P3H1: variants seen among roughly 807,000 people sequenced by gnomAD.
P3H1 encodes growth suppressor 1.
In P3H1, 69 loss-of-function variants were observed where a neutral mutation model predicts 84.0. The observed-to-expected ratio is 0.82, with a 90% CI of 0.68 to 1.00. The LOEUF is 1.00. Among genes scored for constraint, P3H1 ranks in the 50% least tolerant of loss-of-function variants. The pLI is 0.00. For missense variants in P3H1, 878 were observed against 962.8 expected (o/e 0.91, Z 1.17); for synonymous variants, 366 against 388.8 (o/e 0.94, Z 0.69).
intron 2 of P3H1, among the ~76,000 whole-genome samples, chr1:42,759,800 T>A (rs929207852): frequency 5.3e-5 from 8 of 151,962 alleles, no homozygotes; most frequent in Non-Finnish European, 7.4e-5. Context: ...CAGGCTGGTC[T>A]CCAACTCCTA....
At chr1:42,750,642 A>T (rs1276333324) in intron 10 of P3H1, among the ~76,000 whole-genome samples, 1 of 33,908 alleles carries the variant, frequency 2.9e-5, no homozygotes, top group African/African-American at 2.0e-4. Context: ...CCCGTCCGGG[A>T]GGGAGGCCGG....
intron 1 of P3H1, among the ~76,000 whole-genome samples, chr1:42,763,835 G>A (rs1285046202): frequency 6.6e-6 from 1 of 151,978 alleles, no homozygotes; most frequent in Non-Finnish European, 1.5e-5. Flanking sequence ...TTAACTATGT[G>A]GACACTGGTA....
chr1:42,763,340 C>T (rs1430934793), intron 1 of P3H1, among the ~76,000 whole-genome samples: 1 of 151,876 alleles, frequency 6.6e-6, no homozygotes, highest in Non-Finnish European at 1.5e-5. Flanking sequence ...TGACTCAAAG[C>T]TCAGGGCTCA....
At chr1:42,762,510 AC>A (rs1557576609) in intron 1 of P3H1, 35 bp from the exon 2 acceptor site, 1 of 1,611,178 alleles carries the variant, frequency 6.2e-7, no homozygotes, top group Non-Finnish European at 8.5e-7. Flanking sequence ...GATAATGCTC[AC>A]ATCCAATCTC....
chr1:42,750,298 G>A lies in P3H1; in HGVS notation c.1608C>T (p.His536=), dbSNP rs201725061. 1.1e-4 allele frequency: 173 copies of A among 1,613,946 alleles called. No individual in the cohort carries two copies. The highest frequency in any genetic ancestry group is 1.4e-4 in the Non-Finnish European group (169 of 1,180,022). ...QEGKVPLQSA[H]LYYNVTEKVR... ...CCTTCTCCGTCACGTTGTAGTACAGGTGGGCACTCTGCAGAGGAACTTTGC... is the reference window on the plus strand; with the variant it reads ...CCTTCTCCGTCACGTTGTAGTACAGATGGGCACTCTGCAGAGGAACTTTGC... Residue 536 remains histidine (H), a synonymous_variant, in exon 11 of 15, where the codon CAC becomes CAT. Transcript: ENST00000296388.
intron 10 of P3H1, 56 bp from the exon 11 acceptor site, chr1:42,750,392 T>C: frequency 6.3e-7 from 1 of 1,596,898 alleles, no homozygotes; most frequent in Non-Finnish European, 8.6e-7. Context: ...TTTGGCTCTG[T>C]GTCCCTACCC....
At chr1:42,759,065 G>A in intron 3 of P3H1, 82 bp from the exon 4 acceptor site, 1 of 1,591,256 alleles carries the variant, frequency 6.3e-7, no homozygotes, top group Non-Finnish European at 8.6e-7. Flanking sequence ...AAATTCAAAT[G>A]GAAGCAATTT....
intron 2 of P3H1, 126 bp from the exon 3 acceptor site, chr1:42,759,516 G>T: frequency 1.3e-6 from 1 of 742,878 alleles, no homozygotes; most frequent in South Asian, 1.5e-5. Context: ...GGGGTGACCT[G>T]GGTACCACTA....
chr1:42,750,646 A>G (rs1193078365), intron 10 of P3H1, among the ~76,000 whole-genome samples: 11 of 25,010 alleles, frequency 4.4e-4, no homozygotes, highest in Admixed American at 1.4e-3. Flanking sequence ...TCCGGGAGGG[A>G]GGCCGGGGGG....
At chr1:42,763,393 C>T (rs1342750514) in intron 1 of P3H1, among the ~76,000 whole-genome samples, 1 of 151,466 alleles carries the variant, frequency 6.6e-6, no homozygotes, top group Non-Finnish European at 1.5e-5. Flanking sequence ...AGGGGGTGGT[C>T]GGGGGCGGTA....
At chr1:42,752,043 T>A (rs1328070084) in intron 10 of P3H1, among the ~76,000 whole-genome samples, 1 of 152,238 alleles carries the variant, frequency 6.6e-6, no homozygotes, top group African/African-American at 2.4e-5. Context: ...TTCTCATAGC[T>A]TTGGCGAACA....
Position 42,755,616 on chromosome 1 carries a change from G to C in P3H1, c.1102C>G (p.Arg368Gly), listed in dbSNP as rs118203996. ...AGCAGTTCTTTTTCCAGTAGGCTTCGCTGTCGGTACTCCTTGGCACTCTGA... is the reference window on the plus strand; with the variant it reads ...AGCAGTTCTTTTTCCAGTAGGCTTCCCTGTCGGTACTCCTTGGCACTCTGA... ...PRESAKEYRQ[R>G]SLLEKELLFF... is the part of the protein sequence containing the mutation. Residue 368 changes from arginine to glycine, a missense_variant, in exon 6 of 15, where the codon CGA (arginine) becomes GGA (glycine). By Grantham distance (125) the Arg-to-Gly change is moderately radical. Coordinates refer to ENST00000296388, the MANE Select transcript of P3H1 (RefSeq NM_022356.4). The C allele has an allele frequency of 6.2e-7, 1 of 1,613,868 alleles. No individual in the cohort carries two copies.
Position 42,766,739 on chromosome 1 carries a change from T to C in P3H1, c.233A>G (p.Gln78Arg). Residue 78 changes from glutamine (Q) to arginine (R), a missense_variant, in exon 1 of 15, where the codon CAG (glutamine) becomes CGG (arginine). Physicochemically the swap from Gln to Arg is conservative, Grantham distance 43. Transcript: ENST00000296388. The stretch of plus-strand genomic sequence containing the variant: ...CTCCCACGGGAAGTCGGCGGCACAC[T>C]GGGTGCGGCAGCGCAGGCGAAGGGC... ...LRALRLRCRT[Q>R]CAADFPWELD... 1 of 1,577,398 alleles carries C rather than the reference T, an allele frequency of 6.3e-7. No individual in the cohort carries two copies. The highest frequency in any genetic ancestry group is 8.6e-7 in the Non-Finnish European group (1 of 1,162,558).
intron 9 of P3H1, 56 bp downstream of exon 9, chr1:42,752,481 T>C (rs1415884141): frequency 6.2e-7 from 1 of 1,613,520 alleles, no homozygotes; most frequent in African/African-American, 1.3e-5. Context: ...CAAGGGGCAC[T>C]TGGTGGGGGG....
At position 42,748,247 on chromosome 1, in the gene P3H1, G is replaced by C. The variant is rs1651844179; in HGVS notation, c.1791C>G (p.Thr597=). 6 of 1,613,852 alleles carry C rather than the reference G, an allele frequency of 3.7e-6. No homozygotes were observed. Among genetic ancestry groups the C allele is most frequent in the Non-Finnish European group, 5.1e-6 (6 of 1,180,006 alleles). ...CTGGGGGCTCTTTGACACACACGAG[G>C]GTCTCGGCATTCAGGATGCAGTTGT... ...HVDNCILNAE[T]LVCVKEPPAY... The change falls in exon 12 of 15, where the codon ACC becomes ACG. Residue 597 remains threonine (T), a synonymous_variant. Coordinates refer to ENST00000296388, the MANE Select transcript of P3H1 (RefSeq NM_022356.4).
At chr1:42,765,629 T>A (rs1368240352) in intron 1 of P3H1, among the ~76,000 whole-genome samples, 1 of 152,186 alleles carries the variant, frequency 6.6e-6, no homozygotes, top group African/African-American at 2.4e-5. Context: ...GGCAGAATGC[T>A]GTGGAGGGGT....
chr1:42,749,970 C>T, intron 11 of P3H1: 1 of 587,284 alleles, frequency 1.7e-6, no homozygotes, highest in Non-Finnish European at 3.0e-6. Flanking sequence ...CACCCCATTT[C>T]CCTCTGGGAA....
intron 5 of P3H1, among the ~76,000 whole-genome samples, chr1:42,755,893 C>T (rs1226038262): frequency 1.3e-5 from 2 of 152,180 alleles, no homozygotes; most frequent in Non-Finnish European, 2.9e-5. Context: ...GCTCCTCCCC[C>T]ATCCCAACCC....
chr1:42,750,179 G>A lies in P3H1; in HGVS notation c.1720+7C>T. The A allele has an allele frequency of 6.2e-7, 1 of 1,611,514 alleles. No individual in the cohort carries two copies. On this transcript the variant is annotated splice_region_variant and intron_variant, in intron 11 of 14. Coordinates refer to ENST00000296388, the MANE Select transcript of P3H1 (RefSeq NM_022356.4). ...GGGGCGGGTGCTGCAGGGGTAATGAGGCCCACCTTCGATGGCAGTGCGGCA... is the reference window on the plus strand; with the variant it reads ...GGGGCGGGTGCTGCAGGGGTAATGAAGCCCACCTTCGATGGCAGTGCGGCA...
Sources: gnomAD v4.1 joint callset for allele counts (sites outside exome capture counted in the v4.1 genomes callset) on GRCh38, gnomAD v4.1.1 for gene constraint, MANE v1.5 for transcripts, NCBI Gene and HGNC (gene_info 2026-07-23, HGNC 2026-07-21) for gene names.